PARD3: variants seen among roughly 807,000 people sequenced by gnomAD.
PARD3 encodes par-3 family cell polarity regulator.
In PARD3, 75 loss-of-function variants were observed where a neutral mutation model predicts 155.4. That is an observed-to-expected ratio of 0.48 (90% CI 0.40 to 0.58). PARD3 has a LOEUF of 0.58. PARD3 is among the 20% of genes least tolerant of loss of function. PARD3 has a pLI of 0.00. For missense variants in PARD3, 1,642 were observed against 1,721.7 expected (o/e 0.95, Z 0.82); for synonymous variants, 576 against 610.5 (o/e 0.94, Z 0.83).
chr10:34,264,227 G>C (rs576432708), intron 22 of PARD3, among the ~76,000 whole-genome samples: 3 of 152,340 alleles, frequency 2.0e-5, no homozygotes, highest in African/African-American at 7.2e-5. Flanking sequence ...TGTTAGAACA[G>C]ATGATTTTGC....
intron 1 of PARD3, among the ~76,000 whole-genome samples, chr10:34,763,085 GA>G (rs1053855341): frequency 9.2e-5 from 14 of 152,178 alleles, no homozygotes; most frequent in Non-Finnish European, 1.8e-4. Flanking sequence ...GGACATTTTG[GA>G]AATTTTGTTG....
At chr10:34,349,787 T>C (rs1433142531) in intron 14 of PARD3, among the ~76,000 whole-genome samples, 1 of 152,084 alleles carries the variant, frequency 6.6e-6, no homozygotes, top group East Asian at 1.9e-4. Context: ...GCCTGAAAAA[T>C]GTATTTAATT....
chr10:34,198,763 G>A (rs1055455276), intron 22 of PARD3, among the ~76,000 whole-genome samples: 5 of 152,198 alleles, frequency 3.3e-5, no homozygotes, highest in African/African-American at 9.6e-5. Context: ...TTAGAAAGGT[G>A]TCAGAAAACA....
intron 1 of PARD3, among the ~76,000 whole-genome samples, chr10:34,786,365 A>T (rs1485766764): frequency 6.6e-6 from 1 of 152,250 alleles, no homozygotes; most frequent in Non-Finnish European, 1.5e-5. Context: ...CTATTGACTA[A>T]AAGTGGTCAA....
At chr10:34,419,561 T>G (rs1295158564) in intron 5 of PARD3, among the ~76,000 whole-genome samples, 1 of 152,160 alleles carries the variant, frequency 6.6e-6, no homozygotes, top group Admixed American at 6.6e-5. Context: ...GAAACATTAT[T>G]TAAGGCAAGG....
chr10:34,376,515 G>A (rs375298161), intron 10 of PARD3, among the ~76,000 whole-genome samples: 4 of 152,050 alleles, frequency 2.6e-5, no homozygotes, highest in South Asian at 2.1e-4. Context: ...GTGGGCTAAC[G>A]TACCACTCAA....
Position 34,756,477 on chromosome 10 carries a change from TAAAAAAAA to T in PARD3, c.120+58391_120+58398del, listed in dbSNP as rs34468358. 5.7e-3 allele frequency among the ~76,000 whole-genome samples: 477 copies of T among 83,280 alleles called. 1 individual carries two copies. The highest frequency in any genetic ancestry group is 0.022 in the African/African-American group (456 of 20,894). The allele number at this position is 83,280 out of a possible 152,430, so 54.6% of individuals were successfully genotyped here. ...CAATGCACCTTTTTTTTTTTTCTTA[TAAAAAAAA>T]AAAAAAAAAAAAAGAGTCAGCTCTG... On this transcript the variant is annotated intron_variant, in intron 1 of 24. Coordinates refer to ENST00000374788, the MANE Select transcript of PARD3 (RefSeq NM_001184785.2).
chr10:34,594,015 T>C (rs544292619), intron 2 of PARD3, among the ~76,000 whole-genome samples: 15 of 152,264 alleles, frequency 9.9e-5, no homozygotes, highest in Middle Eastern at 3.4e-3. Context: ...ACTCAGCTGT[T>C]TGAAGCTAAC....
At chr10:34,381,882 T>TA (rs1359782956) in intron 9 of PARD3, among the ~76,000 whole-genome samples, 1 of 113,078 alleles carries the variant, frequency 8.8e-6, no homozygotes, top group Non-Finnish European at 1.7e-5. Context: ...CACTGCACTG[T>TA]AGCCTGGGCA....
intron 3 of PARD3, among the ~76,000 whole-genome samples, chr10:34,491,466 CTT>C (rs1182491686): frequency 6.6e-6 from 1 of 152,162 alleles, no homozygotes; most frequent in African/African-American, 2.4e-5. Flanking sequence ...TCTAACACCT[CTT>C]TGAATTTTTT....
chr10:34,398,047 G>A (rs950004735), intron 7 of PARD3, among the ~76,000 whole-genome samples: 1 of 152,124 alleles, frequency 6.6e-6, no homozygotes, highest in Non-Finnish European at 1.5e-5. Context: ...GAATTTTAAA[G>A]AGAATTAAAA....
intron 5 of PARD3, among the ~76,000 whole-genome samples, chr10:34,405,149 A>G (rs1844323238): frequency 6.6e-6 from 1 of 152,028 alleles, no homozygotes; most frequent in Non-Finnish European, 1.5e-5. Context: ...TACTGAAAGA[A>G]TCAGTACGAA....
chr10:34,322,987 T>C (rs1958468632), intron 19 of PARD3, among the ~76,000 whole-genome samples: 1 of 152,154 alleles, frequency 6.6e-6, no homozygotes, highest in Admixed American at 6.5e-5. Context: ...TAAGTTAAAA[T>C]GAGACATTCA....
chr10:34,303,542 A>G (rs1362607851), intron 20 of PARD3, among the ~76,000 whole-genome samples: 1 of 152,136 alleles, frequency 6.6e-6, no homozygotes, highest in Non-Finnish European at 1.5e-5. Context: ...GAAATCTGAA[A>G]TTCTAGGAAT....
At position 34,681,749 on chromosome 10, in the gene PARD3, TATATATATATATATATATA is replaced by T. The variant is rs1268585513; in HGVS notation, c.222+14550_222+14568del. The stretch of plus-strand genomic sequence containing the variant: ...TGTATTTTATATATATATATATATA[TATATATATATATATATATA>T]TTTTTTTTTTTTTTTTTTTTTTTTT... On this transcript the variant is annotated intron_variant, in intron 2 of 24. Coordinates refer to ENST00000374788, the MANE Select transcript of PARD3 (RefSeq NM_001184785.2). Among the ~76,000 whole-genome samples the T allele has an allele frequency of 3.1e-3, 54 of 17,512 alleles. No homozygotes were observed. The East Asian group carries it at 0.037, about 12-fold the overall frequency. The allele number at this position is 17,512 out of a possible 152,430, so 11.5% of individuals were successfully genotyped here.
chr10:34,163,851 T>C (rs1357820969), intron 22 of PARD3, among the ~76,000 whole-genome samples: 1 of 152,144 alleles, frequency 6.6e-6, no homozygotes, highest in Non-Finnish European at 1.5e-5. Context: ...AGGAGTCCAA[T>C]GAGTAACATT....
rs1206606851 is a variant in PARD3 at position 34,119,731 on chromosome 10, G to A, written c.3550C>T (p.Arg1184Trp). The A allele has an allele frequency of 3.7e-6, 6 of 1,610,696 alleles. No homozygotes were observed. In the South Asian group the frequency reaches 4.4e-5, roughly 12 times the overall value. ...YSFEQPWPNA[R>W]PATQSGRHSV... ...TGTCGCCCGCTCTGCGTCGCCGGCC[G>A]TGCGTTCGGCTGGAAGAGGAAAATA... The change falls in exon 24 of 25, where the codon CGG (arginine) becomes TGG (tryptophan). Residue 1184 changes from arginine to tryptophan, a missense_variant. Transcript: ENST00000374788.
chr10:34,702,709 C>G lies in PARD3; in HGVS notation c.121-6290G>C, dbSNP rs375352762. Among the ~76,000 whole-genome samples the G allele has an allele frequency of 1.4e-3, 219 of 152,320 alleles. 1 individual carries two copies. Among genetic ancestry groups the G allele is most frequent in the African/African-American group, 5.2e-3 (216 of 41,570 alleles). ...AGAGGTGGGAAGATCTTTCCCTGGG[C>G]CTCTATCCATCTAAAGAGAAAAGGC... On this transcript the variant is annotated intron_variant, in intron 1 of 24. Coordinates refer to ENST00000374788, the MANE Select transcript of PARD3 (RefSeq NM_001184785.2).
intron 5 of PARD3, among the ~76,000 whole-genome samples, chr10:34,404,123 G>T (rs963205614): frequency 2.0e-5 from 3 of 152,174 alleles, no homozygotes; most frequent in African/African-American, 7.2e-5. Flanking sequence ...TACATACAGT[G>T]TCCAGTTTGG....
Sources: allele counts gnomAD v4.1 joint callset (sites outside exome capture counted in the v4.1 genomes callset), GRCh38; gene constraint gnomAD v4.1.1; transcripts MANE v1.5; gene names NCBI Gene and HGNC (gene_info 2026-07-23, HGNC 2026-07-21).